PTPRT: variants seen among roughly 807,000 people sequenced by gnomAD.
PTPRT encodes the protein protein tyrosine phosphatase receptor type T.
PTPRT carries 56 observed loss-of-function variants against 176.8 expected under a neutral mutation model. The ratio of observed to expected loss-of-function variants is 0.32; its 90% CI spans 0.26 to 0.40. The LOEUF (loss-of-function observed/expected upper bound fraction) is 0.40. Ranked by LOEUF, PTPRT falls within the 10% of genes least tolerant of loss-of-function variation. PTPRT has a pLI of 1.00. For synonymous variants in PTPRT, 783 were observed against 739.0 expected, an observed-to-expected ratio of 1.06 and a Z score of -0.96; for missense variants, 1,540 against 1,908.2, an observed-to-expected ratio of 0.81 and a Z score of 3.60.
intron 12 of PTPRT, among the ~76,000 whole-genome samples, chr20:42,301,853 AC>A (rs1970345142): frequency 6.6e-6 from 1 of 152,220 alleles, no homozygotes; most frequent in African/African-American, 2.4e-5. Context: ...GTAAGTTGGA[AC>A]AAAAACAAAT....
At chr20:43,161,168 C>T (rs2014684853) in intron 1 of PTPRT, among the ~76,000 whole-genome samples, 1 of 152,208 alleles carries the variant, frequency 6.6e-6, no homozygotes, top group Non-Finnish European at 1.5e-5. Flanking sequence ...AGAGCCATTT[C>T]TGTGTCGATG....
chr20:42,566,589 T>C (rs781266719), intron 7 of PTPRT, among the ~76,000 whole-genome samples: 9 of 152,160 alleles, frequency 5.9e-5, no homozygotes, highest in Non-Finnish European at 1.3e-4. Context: ...TCCAGGCACA[T>C]TCTCTCTTTC....
intron 16 of PTPRT, among the ~76,000 whole-genome samples, chr20:42,196,536 C>G (rs751394933): frequency 6.6e-6 from 1 of 152,138 alleles, no homozygotes; most frequent in Non-Finnish European, 1.5e-5. Flanking sequence ...ATTATAGTCA[C>G]CCTACAGTAC....
rs537365774 is a variant in PTPRT, at chr20:42,545,813, G to T, written c.1154-73251C>A. ...TGTTAGGCCATCTTCACTCACAGAA[G>T]TTAGCAACAAGGTCCACAAGAATAG... On this transcript the variant is annotated intron_variant, in intron 7 of 30. Transcript: ENST00000373187. 4.7e-3 allele frequency among the ~76,000 whole-genome samples: 714 copies of T among 152,278 alleles called. 2 individuals are homozygous for T. The highest frequency in any genetic ancestry group is 7.7e-3 in the Non-Finnish European group (526 of 68,018).
chr20:42,377,538 C>T (rs1287824643), intron 9 of PTPRT, among the ~76,000 whole-genome samples: 1 of 152,228 alleles, frequency 6.6e-6, no homozygotes, highest in Non-Finnish European at 1.5e-5. Context: ...CCAGGAGATT[C>T]TGATGCTGTT....
chr20:42,803,236 C>T (rs911208478), intron 2 of PTPRT, among the ~76,000 whole-genome samples: 17 of 152,372 alleles, frequency 1.1e-4, no homozygotes, highest in African/African-American at 3.4e-4. Context: ...GAGCCAGATA[C>T]ATCAACGTCA....
At chr20:42,821,742 T>C (rs1353415852) in intron 2 of PTPRT, among the ~76,000 whole-genome samples, 1 of 152,060 alleles carries the variant, frequency 6.6e-6, no homozygotes, top group African/African-American at 2.4e-5. Flanking sequence ...TGTGCAAATA[T>C]CACAAGCATT....
intron 4 of PTPRT, among the ~76,000 whole-genome samples, chr20:42,772,609 T>C (rs934713838): frequency 6.6e-6 from 1 of 152,174 alleles, no homozygotes; most frequent in African/African-American, 2.4e-5. Flanking sequence ...ATAAATTGTA[T>C]CTAGAAGAAT....
intron 1 of PTPRT, among the ~76,000 whole-genome samples, chr20:43,088,406 A>G (rs991753148): frequency 1.3e-5 from 2 of 150,810 alleles, no homozygotes; most frequent in African/African-American, 4.9e-5. Context: ...AAGCATTTCT[A>G]AAAGTGGAGT....
In PTPRT at chr20:42,756,454, G is replaced by T; in HGVS notation, c.859+8C>A. The T allele has an allele frequency of 1.9e-6, 3 of 1,539,988 alleles. No homozygotes were observed. Among genetic ancestry groups the T allele is most frequent in the Non-Finnish European group, 2.6e-6 (3 of 1,137,908 alleles). Reference sequence around the variant, plus strand: ...ATGGCAGTAGAGGCGCAGGCTGGAGGCACTCACCTTTCACGATCAGCTCCG... The same window carrying T: ...ATGGCAGTAGAGGCGCAGGCTGGAGTCACTCACCTTTCACGATCAGCTCCG... On this transcript the variant is annotated splice_region_variant and intron_variant, in intron 6 of 30. Coordinates refer to ENST00000373187, the MANE Select transcript of PTPRT (RefSeq NM_007050.6).
intron 7 of PTPRT, among the ~76,000 whole-genome samples, chr20:42,580,956 T>C (rs954587785): frequency 6.6e-6 from 1 of 152,160 alleles, no homozygotes; most frequent in Non-Finnish European, 1.5e-5. Flanking sequence ...ATAGGAGTGG[T>C]GAGAGAGGGC....
chr20:42,856,958 A>C (rs1265986503), intron 2 of PTPRT, among the ~76,000 whole-genome samples: 2 of 152,164 alleles, frequency 1.3e-5, no homozygotes, highest in African/African-American at 2.4e-5. Flanking sequence ...TAGCCAGAAA[A>C]CCTACCATGA....
chr20:42,065,343 G>A, the PTPRT span, among the ~76,000 whole-genome samples: 38 of 152,328 alleles, frequency 2.5e-4, no homozygotes, highest in African/African-American at 9.1e-4. Context: ...TTACAGCAAG[G>A]ATGTAGACAT....
chr20:43,159,570 C>T (rs931362705), intron 1 of PTPRT, among the ~76,000 whole-genome samples: 1 of 152,218 alleles, frequency 6.6e-6, no homozygotes, highest in Non-Finnish European at 1.5e-5. Flanking sequence ...CTCCCTTTCT[C>T]TTCTCCTCAT....
intron 1 of PTPRT, among the ~76,000 whole-genome samples, chr20:43,078,793 G>T (rs1231106334): frequency 6.6e-6 from 1 of 152,178 alleles, no homozygotes; most frequent in African/African-American, 2.4e-5. Context: ...TCTGGCAAAA[G>T]AATCCATTTC....
chr20:42,228,013 A>G lies in PTPRT; in HGVS notation c.2342+8216T>C, dbSNP rs1011244632. 8.5e-5 allele frequency among the ~76,000 whole-genome samples: 13 copies of G among 152,266 alleles called. No homozygotes were observed. In the East Asian group the frequency reaches 2.3e-3, roughly 27 times the overall value. On this transcript the variant is annotated intron_variant, in intron 15 of 30. Transcript: ENST00000373187. ...GGGTACTCCTTTCTGTTAGCAGAGAATCTCCATACTCTCATTAACCTTGTT... is the reference window on the plus strand; with the variant it reads ...GGGTACTCCTTTCTGTTAGCAGAGAGTCTCCATACTCTCATTAACCTTGTT...
rs1982673384 is a variant in PTPRT, at chr20:42,075,396, C to A, written c.*5483G>T. The A allele has an allele frequency of 8.8e-6, 2 of 228,262 alleles. No homozygotes were observed. The highest frequency in any genetic ancestry group is 6.3e-5 in the East Asian group (1 of 15,958). The allele number at this position is 228,262 out of a possible 1,614,324, so 14.1% of individuals were successfully genotyped here. On this transcript the variant is annotated 3_prime_UTR_variant, in exon 31 of 31. Transcript: ENST00000373187. ...CCTGGGGATCCTGGCCCAGCACAACCTGTTGACATGACTTAGGAACAGCGT... is the reference window on the plus strand; with the variant it reads ...CCTGGGGATCCTGGCCCAGCACAACATGTTGACATGACTTAGGAACAGCGT...
intron 1 of PTPRT, among the ~76,000 whole-genome samples, chr20:42,936,692 AG>A (rs1980214199): frequency 6.6e-6 from 1 of 152,192 alleles, no homozygotes; most frequent in Non-Finnish European, 1.5e-5. Flanking sequence ...CTGGGGCAGC[AG>A]CACAGGAGGT....
intron 8 of PTPRT, among the ~76,000 whole-genome samples, chr20:42,465,767 T>C (rs1033551754): frequency 7.9e-5 from 12 of 152,330 alleles, no homozygotes; most frequent in Non-Finnish European, 1.5e-5. Context: ...TAATGGTGTT[T>C]TTATTTCTAA....
Sources: gnomAD v4.1 joint callset for allele counts (sites outside exome capture counted in the v4.1 genomes callset) on GRCh38, gnomAD v4.1.1 for gene constraint, MANE v1.5 for transcripts, NCBI Gene and HGNC (gene_info 2026-07-23, HGNC 2026-07-21) for gene names.